L1CAM: variants seen among roughly 807,000 people sequenced by gnomAD.
L1CAM encodes the protein L1 cell adhesion molecule.
In L1CAM, 8 loss-of-function variants were observed where a neutral mutation model predicts 93.0. That is an observed-to-expected ratio of 0.09 (90% CI 0.05 to 0.16). L1CAM has a LOEUF of 0.16. Ranked by LOEUF, L1CAM falls within the 10% of genes least tolerant of loss-of-function variation. L1CAM has a pLI of 1.00. For missense variants in L1CAM, 777 were observed against 1,073.4 expected (o/e 0.72, Z 3.86); for synonymous variants, 453 against 453.0 (o/e 1.00, Z 0.00).
intron 26 of L1CAM, 106 bp from the exon 27 acceptor site, chrX:153,863,655 G>T: frequency 1.1e-6 from 1 of 869,658 alleles, no homozygotes; most frequent in Non-Finnish European, 1.7e-6. Context: ...ACAGCGCCCA[G>T]AGGCAAGAGG....
At position 153,865,075 on chromosome X, in the gene L1CAM, G is replaced by A. The variant is rs1557090373; in HGVS notation, c.2872+13C>T. The A allele has an allele frequency of 2.5e-6, 3 of 1,211,322 alleles. No homozygotes were observed. The highest frequency in any genetic ancestry group is 3.4e-6 in the Non-Finnish European group (3 of 895,436). On this transcript the variant is annotated intron_variant, in intron 22 of 28. Coordinates refer to ENST00000370060, the MANE Select transcript of L1CAM (RefSeq NM_001278116.2). ...CCCTCCACCTCCCTTCCCTGCTGGG[G>A]CGGCGCACGCACGGGGGTGGTAGGA...
chrX:153,864,970 A>T lies in L1CAM; in HGVS notation c.2897T>A (p.Leu966Gln), dbSNP rs1557090325. ...HPLDEGGKGQLSFNLRDPELR... is the reference protein window; with the variant it reads ...HPLDEGGKGQQSFNLRDPELR... ...TTCGGGGTCCCGAAGGTTGAAGGAC[A>T]GTTGCCCCTTGCCCCCCTCATCCAC... The change falls in exon 23 of 29, where the codon CTG becomes CAG. Residue 966 changes from leucine to glutamine, a missense_variant. Coordinates refer to ENST00000370060, the MANE Select transcript of L1CAM (RefSeq NM_001278116.2). The T allele has an allele frequency of 8.2e-7, 1 of 1,212,460 alleles. No homozygotes were observed. Among genetic ancestry groups the T allele is most frequent in the Non-Finnish European group, 1.1e-6 (1 of 895,617 alleles).
At position 153,863,518 on chromosome X, in the gene L1CAM, A is replaced by G. The variant is rs782791362; in HGVS notation, c.3489T>C (p.Ser1163=). 6.6e-6 allele frequency: 8 copies of G among 1,211,289 alleles called. No individual in the cohort carries two copies. The highest frequency in any genetic ancestry group is 8.9e-6 in the Non-Finnish European group (8 of 895,060). ...VKDKEDTQVD[S]EARPMKDETF... ...TCTCATCTTTCATCGGTCGGGCCTCAGAGTCCACCTGGGTGTCCTCCTTAT... is the reference window on the plus strand; with the variant it reads ...TCTCATCTTTCATCGGTCGGGCCTCGGAGTCCACCTGGGTGTCCTCCTTAT... The change falls in exon 27 of 29, where the codon TCT becomes TCC. Residue 1163 remains serine, a synonymous_variant. Transcript: ENST00000370060.
rs1194850363 is a variant in L1CAM, at chrX:153,861,763, C to T, written c.*900G>A. On this transcript the variant is annotated 3_prime_UTR_variant, in exon 29 of 29. Coordinates refer to ENST00000370060, the MANE Select transcript of L1CAM (RefSeq NM_001278116.2). ...AACCACCTAGGGACTCAGACATCTG[C>T]CTACACACTAGTGGCGTAAAGGGAA... The T allele has an allele frequency of 2.7e-5, 3 of 109,755 alleles. No individual in the cohort carries two copies. In the Admixed American group the frequency reaches 2.9e-4, roughly 11 times the overall value. The allele number at this position is 109,755 out of a possible 1,213,427, so 9.0% of individuals were successfully genotyped here.
chrX:153,865,003 A>G lies in L1CAM; in HGVS notation c.2873-9T>C. 8.3e-7 allele frequency: 1 copy of G among 1,211,834 alleles called. No homozygotes were observed. The highest frequency in any genetic ancestry group is 1.1e-6 in the Non-Finnish European group (1 of 895,321). On this transcript the variant is annotated splice_polypyrimidine_tract_variant and intron_variant, in intron 22 of 28. Transcript: ENST00000370060. The stretch of plus-strand genomic sequence containing the variant: ...CTTGCCCCCCTCATCCACTGTGGGG[A>G]CAGACAGGGGTTGGCTGTGGCTGCA...
chrX:153,867,981 T>A lies in L1CAM; in HGVS notation c.1828+17A>T, dbSNP rs1350369684. The A allele has an allele frequency of 8.3e-7, 1 of 1,210,568 alleles. No individual in the cohort carries two copies. Among genetic ancestry groups the A allele is most frequent in the Non-Finnish European group, 1.1e-6 (1 of 895,141 alleles). On this transcript the variant is annotated intron_variant, in intron 15 of 28. Coordinates refer to ENST00000370060, the MANE Select transcript of L1CAM (RefSeq NM_001278116.2). ...GCCCCGGCCTTCTGGAGTGGAGGCT[T>A]CCACCCTAGGACTTACCCACCACCA...
In L1CAM at chrX:153,868,041, G is replaced by A. The variant is rs201483296; in HGVS notation, c.1785C>T (p.Thr595=). ...CCCTACTCTCCACCACATCCAGTTC[G>A]GTACTGGCCACGCAGCTGTAGTTGC... ...DQGNYSCVAS[T]ELDVVESRAQ... is the part of the protein sequence containing the mutation. Residue 595 remains threonine (T), a synonymous_variant, in exon 15 of 29, where the codon ACC becomes ACT. Transcript: ENST00000370060. The A allele has an allele frequency of 6.6e-6, 8 of 1,208,319 alleles. No homozygotes were observed. The highest frequency in any genetic ancestry group is 8.9e-6 in the Non-Finnish European group (8 of 894,549).
intron 1 of L1CAM, among the ~76,000 whole-genome samples, chrX:153,878,142 G>A (rs920431675): frequency 1.1e-4 from 12 of 112,534 alleles, no homozygotes; most frequent in Non-Finnish European, 1.3e-4. Flanking sequence ...CAGACTAGAC[G>A]CCTTCATTAA....
At chrX:153,879,598 T>A (rs931566786) in intron 1 of L1CAM, among the ~76,000 whole-genome samples, 2 of 110,745 alleles carry the variant, frequency 1.8e-5, no homozygotes, top group African/African-American at 6.6e-5. Context: ...AGACAGAGGG[T>A]GGAGCAGCTG....
In L1CAM at chrX:153,872,306, C is replaced by T. The variant is rs2064778412; in HGVS notation, c.246G>A (p.Leu82=). 8.3e-7 allele frequency: 1 copy of T among 1,204,677 alleles called. No individual in the cohort carries two copies. Among genetic ancestry groups the T allele is most frequent in the Non-Finnish European group, 1.1e-6 (1 of 893,686 alleles). The part of the protein sequence containing the change: ...DGVHFKPKEE[L]GVTVYQSPHS... ...GGGGCGACTGGTACACGGTCACACC[C>T]AGCTCTTCCTTGGGTTTGAAGTGGA... Residue 82 remains leucine, a synonymous_variant, in exon 5 of 29, where the codon CTG becomes CTA. Coordinates refer to ENST00000370060, the MANE Select transcript of L1CAM (RefSeq NM_001278116.2).
At chrX:153,866,538 A>T (rs2064714883) in intron 19 of L1CAM, 111 bp downstream of exon 19, 2 of 539,632 alleles carry the variant, frequency 3.7e-6, no homozygotes, top group South Asian at 5.9e-5. Context: ...TATGTAAGAG[A>T]ATATCCTCAT....
rs199735647 is a variant in L1CAM at position 153,868,817 on chromosome X, C to T, written c.1379+24G>A. On this transcript the variant is annotated intron_variant, in intron 12 of 28. Transcript: ENST00000370060. Reference sequence around the variant, plus strand: ...CCTGGCCACTGGGACACGACACTCACCACTACCAGGACGAGACACTCACCA... The same window carrying T: ...CCTGGCCACTGGGACACGACACTCATCACTACCAGGACGAGACACTCACCA... 3.8e-5 allele frequency: 46 copies of T among 1,202,276 alleles called. No homozygotes were observed. In the South Asian group the frequency reaches 7.6e-4, roughly 20 times the overall value.
intron 1 of L1CAM, among the ~76,000 whole-genome samples, chrX:153,878,799 T>G (rs966363577): frequency 2.3e-4 from 26 of 111,471 alleles, no homozygotes; most frequent in African/African-American, 8.2e-4. Flanking sequence ...GGAATGGTGT[T>G]TGGCATGTAC....
intron 5 of L1CAM, 47 bp downstream of exon 5, chrX:153,872,105 C>T: frequency 9.1e-7 from 1 of 1,095,742 alleles, no homozygotes; most frequent in Non-Finnish European, 1.3e-6. Flanking sequence ...CACAATCCCA[C>T]ACGAACTCCG....
At chrX:153,870,276 G>A in intron 8 of L1CAM, 36 bp from the exon 9 acceptor site, 2 of 1,198,057 alleles carry the variant, frequency 1.7e-6, no homozygotes, top group East Asian at 5.9e-5. Context: ...GCAGAAGGGA[G>A]AAAGGACAAG....
At position 153,864,712 on chromosome X, in the gene L1CAM, G is replaced by C; in HGVS notation, c.3047-8C>G. On this transcript the variant is annotated splice_region_variant and splice_polypyrimidine_tract_variant and intron_variant, in intron 23 of 28. Coordinates refer to ENST00000370060, the MANE Select transcript of L1CAM (RefSeq NM_001278116.2). ...TGCCAAAATCTGAGATCCCTGGGGG[G>C]ATGCAGGGGAACGAGGAGAGTGTGG... is the stretch of plus-strand genomic sequence containing the variant. The C allele has an allele frequency of 1.6e-6, 2 of 1,212,228 alleles. No homozygotes were observed. Among genetic ancestry groups the C allele is most frequent in the Non-Finnish European group, 1.1e-6 (1 of 895,543 alleles).
intron 27 of L1CAM, 37 bp downstream of exon 27, chrX:153,863,440 G>A: frequency 8.3e-7 from 1 of 1,208,294 alleles, no homozygotes; most frequent in Non-Finnish European, 1.1e-6. Flanking sequence ...GGCCAGGGTG[G>A]AGCTGAGTGC....
chrX:153,873,840 C>T (rs2064793709), intron 2 of L1CAM, among the ~76,000 whole-genome samples: 1 of 112,796 alleles, frequency 8.9e-6, no homozygotes, highest in South Asian at 3.6e-4. Context: ...TCCTTCCTCC[C>T]AGACAGCCAC....
In L1CAM at chrX:153,869,597, C is replaced by A; in HGVS notation, c.1190G>T (p.Ser397Ile). The change falls in exon 11 of 29, where the codon AGT (serine) becomes ATT (isoleucine). Residue 397 changes from serine to isoleucine, a missense_variant. By Grantham distance (142) the Ser-to-Ile change is moderately radical (BLOSUM62 -2). This residue lies in a region of L1CAM where 574 missense variants were observed against 781.0 expected (regional missense o/e 0.73). Coordinates refer to ENST00000370060, the MANE Select transcript of L1CAM (RefSeq NM_001278116.2). ...CTCACATTGGGTCACCATTGTGTCA[C>A]TGGGCTGCACGTTGCTCAGGATCAG... is the stretch of plus-strand genomic sequence containing the variant. Reference protein sequence around the residue: ...GALILSNVQPSDTMVTQCEAR... With the variant: ...GALILSNVQPIDTMVTQCEAR... 1 of 1,210,481 alleles carries A rather than the reference C, an allele frequency of 8.3e-7. No individual in the cohort carries two copies. Among genetic ancestry groups the A allele is most frequent in the Non-Finnish European group, 1.1e-6 (1 of 894,946 alleles).
Sources: allele counts gnomAD v4.1 joint callset (sites outside exome capture counted in the v4.1 genomes callset), GRCh38; gene constraint gnomAD v4.1.1; regional missense constraint gnomAD v4.1.1; transcripts MANE v1.5; gene names NCBI Gene and HGNC (gene_info 2026-07-23, HGNC 2026-07-21).